The following COLEC10 variants were observed in gnomAD, a reference collection of about 807,000 sequenced individuals.
The protein encoded by COLEC10 is collectin subfamily member 10, also known as collectin-10.
Under a neutral mutation model 28.4 loss-of-function variants are expected in COLEC10, and 22 were observed. That is an observed-to-expected ratio of 0.78 (90% confidence interval 0.55 to 1.11). The LOEUF (loss-of-function observed/expected upper bound fraction) is 1.11. Among genes scored for constraint, COLEC10 ranks in the 50% least tolerant of loss-of-function variants. The probability of loss-of-function intolerance (pLI) is 0.00; values close to 1 mark genes in which losing one functional copy is unlikely to be tolerated. For missense variants in COLEC10, 361 were observed against 344.1 expected (o/e 1.05, Z -0.39); for synonymous variants, 125 against 116.1 (o/e 1.08, Z -0.49).
In COLEC10 at chr8:119,106,474, G is replaced by C. The variant is rs951692504; in HGVS notation, c.*283G>C. ...ATAGTTGGTTGTCTATATGTCAAAT[G>C]AGTTGTTCTCTTGGTATTTGCTCTA... On this transcript the variant is annotated 3_prime_UTR_variant, in exon 6 of 6. Coordinates refer to ENST00000332843, the MANE Select transcript of COLEC10 (RefSeq NM_006438.5). 1 of 304,888 alleles carries C rather than the reference G, an allele frequency of 3.3e-6. No homozygotes were observed. The highest frequency in any genetic ancestry group is 6.3e-6 in the Non-Finnish European group (1 of 159,512). 18.9% of individuals were successfully genotyped at this position (304,888 alleles called of 1,614,324 possible). A position where few individuals can be genotyped will look rare whatever the true frequency, so the allele number is the denominator to read the frequency against.
chr8:118,975,372 A>G, the COLEC10 span, among the ~76,000 whole-genome samples: 3 of 152,068 alleles, frequency 2.0e-5, no homozygotes, highest in South Asian at 6.2e-4. Context: ...AAATTCTGCT[A>G]TGTTATCTTA....
At chr8:118,978,768 T>C in the COLEC10 span, among the ~76,000 whole-genome samples, 1 of 152,044 alleles carries the variant, frequency 6.6e-6, no homozygotes, top group Non-Finnish European at 1.5e-5. Flanking sequence ...GAAATAGGTA[T>C]ACCAATTTAC....
At chr8:119,098,347 T>G (rs1349228927) in intron 3 of COLEC10, among the ~76,000 whole-genome samples, 2 of 152,108 alleles carry the variant, frequency 1.3e-5, no homozygotes, top group African/African-American at 4.8e-5. Flanking sequence ...TCCAGAGATG[T>G]TGAAAAAGTA....
chr8:119,028,370 A>T (rs1291959009), intron 2 of COLEC10, among the ~76,000 whole-genome samples: 6 of 152,220 alleles, frequency 3.9e-5, no homozygotes, highest in Non-Finnish European at 8.8e-5. Flanking sequence ...GCTTATAAAG[A>T]CATACCCGAG....
At chr8:119,086,930 T>C (rs1815491962) in intron 1 of COLEC10, among the ~76,000 whole-genome samples, 1 of 152,196 alleles carries the variant, frequency 6.6e-6, no homozygotes, top group East Asian at 1.9e-4. Flanking sequence ...GGAGGACAAA[T>C]GCCCCTGTTT....
rs148535479 is a variant in COLEC10, at chr8:119,079,305, G to T, written c.149-10375G>T. 2.6e-3 allele frequency among the ~76,000 whole-genome samples: 402 copies of T among 152,232 alleles called. 1 individual carries two copies. The highest frequency in any genetic ancestry group is 9.3e-3 in the African/African-American group (387 of 41,548). On this transcript the variant is annotated intron_variant, in intron 1 of 5. Coordinates refer to ENST00000332843, the MANE Select transcript of COLEC10 (RefSeq NM_006438.5). ...GGGAGGCACTTCATTATTCTGACTT[G>T]CTGATGAGCAAACTGAGGCTTAAAG...
chr8:119,003,545 G>A lies in COLEC10; in HGVS notation n.123-5896G>A, dbSNP rs369945115. ...TCACTAAGTTGCAGGTAGAAGAAAA[G>A]TTGAGTTATGTAAAGTTGGGTAGTT... On this transcript the variant is annotated intron_variant and non_coding_transcript_variant, in intron 1 of 6. Coordinates refer to the COLEC10 transcript ENST00000521788. 2.6e-5 allele frequency among the ~76,000 whole-genome samples: 4 copies of A among 152,200 alleles called. No homozygotes were observed. In the East Asian group the frequency reaches 7.7e-4, roughly 29 times the overall value.
chr8:119,050,034 T>C (rs746349325), intron 2 of COLEC10, among the ~76,000 whole-genome samples: 24 of 152,270 alleles, frequency 1.6e-4, no homozygotes, highest in Middle Eastern at 6.8e-3. Flanking sequence ...CCATGAAACC[T>C]TGGACAAGTC....
intron 2 of COLEC10, among the ~76,000 whole-genome samples, chr8:119,045,146 A>T (rs1001820291): frequency 3.9e-5 from 6 of 152,210 alleles, no homozygotes; most frequent in African/African-American, 1.4e-4. Context: ...AGGGATGAGA[A>T]ATAAGTAACG....
intron 2 of COLEC10, among the ~76,000 whole-genome samples, chr8:119,050,182 A>G (rs775821414): frequency 1.3e-5 from 2 of 151,528 alleles, no homozygotes; most frequent in Non-Finnish European, 3.0e-5. Context: ...TTTATTTTGT[A>G]TGAGATTATC....
the COLEC10 span, among the ~76,000 whole-genome samples, chr8:118,964,566 GT>G: frequency 1.3e-5 from 2 of 152,212 alleles, 1 homozygote; most frequent in South Asian, 4.1e-4. Flanking sequence ...TACTAAGCTG[GT>G]AAACTTTCTG....
At chr8:119,100,209 G>T (rs1015659946) in intron 3 of COLEC10, among the ~76,000 whole-genome samples, 13 of 152,030 alleles carry the variant, frequency 8.6e-5, no homozygotes, top group Non-Finnish European at 1.6e-4. Context: ...TGAAAGGGGG[G>T]TTAGAAATGG....
chr8:119,027,289 T>C (rs1267350590), intron 2 of COLEC10, among the ~76,000 whole-genome samples: 2 of 152,200 alleles, frequency 1.3e-5, no homozygotes, highest in African/African-American at 4.8e-5. Context: ...GGACTTCTCC[T>C]AGACTGATGC....
At chr8:119,086,804 T>C (rs1387636980) in intron 1 of COLEC10, among the ~76,000 whole-genome samples, 2 of 152,214 alleles carry the variant, frequency 1.3e-5, no homozygotes, top group East Asian at 3.9e-4. Context: ...TATCTTGCCT[T>C]TTCATGAGCA....
chr8:119,067,262 T>A lies in COLEC10; in HGVS notation c.-20T>A. 1 of 1,611,238 alleles carries A rather than the reference T, an allele frequency of 6.2e-7. No homozygotes were observed. Among genetic ancestry groups the A allele is most frequent in the East Asian group, 2.2e-5 (1 of 44,834 alleles). ...TTTATTTGGCATTTCTGGGAGACCC[T>A]TTTCTGAGGAACCACAGCAATGAAT... On this transcript the variant is annotated 5_prime_UTR_variant, in exon 1 of 6. Coordinates refer to ENST00000332843, the MANE Select transcript of COLEC10 (RefSeq NM_006438.5).
chr8:119,015,395 C>A (rs1586276), intron 2 of COLEC10, among the ~76,000 whole-genome samples: 25,389 of 150,854 alleles, frequency 0.17, 2,822 homozygotes, highest in East Asian at 0.37. Flanking sequence ...TAGGCTCTGA[C>A]AAAACCTCCA....
the COLEC10 span, among the ~76,000 whole-genome samples, chr8:118,974,122 C>A: frequency 1.3e-5 from 2 of 151,936 alleles, no homozygotes; most frequent in Admixed American, 1.3e-4. Flanking sequence ...TCTATGCTAT[C>A]TATAACAGCA....
chr8:119,029,352 C>A (rs1217396603), intron 2 of COLEC10, among the ~76,000 whole-genome samples: 1 of 152,194 alleles, frequency 6.6e-6, no homozygotes, highest in Non-Finnish European at 1.5e-5. Context: ...GCAATCTGGA[C>A]AATCAAGTCT....
chr8:119,022,322 G>A lies in COLEC10; in HGVS notation n.235+12769G>A, dbSNP rs569901923. 3.3e-5 allele frequency among the ~76,000 whole-genome samples: 5 copies of A among 152,214 alleles called. No homozygotes were observed. In the East Asian group the frequency reaches 7.7e-4, roughly 23 times the overall value. ...CTTAAGGAGACAGGCCACTCCCATA[G>A]TCAAGTATTTGTGCCTCAATCCTTT... On this transcript the variant is annotated intron_variant and non_coding_transcript_variant, in intron 2 of 6. Coordinates refer to the COLEC10 transcript ENST00000521788.
Sources: allele counts gnomAD v4.1 joint callset (sites outside exome capture counted in the v4.1 genomes callset), GRCh38; gene constraint gnomAD v4.1.1; transcripts MANE v1.5; gene names NCBI Gene and HGNC (gene_info 2026-07-23, HGNC 2026-07-21).